Variants in DAB2IP observed in about 807,000 individuals in gnomAD.
DAB2IP encodes disabled homolog 2-interacting protein.
Under a neutral mutation model 107.2 loss-of-function variants are expected in DAB2IP, and 28 were observed. The observed-to-expected ratio is 0.26, with a 90% CI of 0.19 to 0.36. DAB2IP has a LOEUF of 0.36. Ranked by LOEUF, DAB2IP falls within the 10% of genes least tolerant of loss-of-function variation. The pLI, the probability that DAB2IP is intolerant of heterozygous loss-of-function variation, is 1.00. For missense variants in DAB2IP, 1,400 were observed against 1,644.7 expected (o/e 0.85, Z 2.57); for synonymous variants, 755 against 706.4 (o/e 1.07, Z -1.09).
rs1831989557 is a variant in DAB2IP at position 121,634,034 on chromosome 9, C to G, written c.41-44644C>G. Among the ~76,000 whole-genome samples the G allele has an allele frequency of 6.6e-6, 1 of 152,208 alleles. No homozygotes were observed. Among genetic ancestry groups the G allele is most frequent in the Non-Finnish European group, 1.5e-5 (1 of 68,038 alleles). On this transcript the variant is annotated intron_variant, in intron 1 of 16. Coordinates refer to the DAB2IP transcript ENST00000259371. This position sits in a 1 kb window ranked among gnomAD's most constrained non-coding sequence, Gnocchi z 4.7. ...CTGCCTTGGGCCCTTGTTCGAGACT[C>G]TCTGTGGAAGCCTATGTGTCCCACC...
chr9:121,570,681 T>C (rs555667323), intron 1 of DAB2IP, among the ~76,000 whole-genome samples: 1 of 151,978 alleles, frequency 6.6e-6, no homozygotes, highest in South Asian at 2.1e-4. Context: ...TCAGAATAGC[T>C]GGACTACAGG....
At chr9:121,591,874 G>A (rs1281697657) in intron 1 of DAB2IP, among the ~76,000 whole-genome samples, 1 of 152,212 alleles carries the variant, frequency 6.6e-6, no homozygotes, top group Non-Finnish European at 1.5e-5. Context: ...GCCCAGGGGA[G>A]TCAGATGAGG....
At chr9:121,568,624 G>A (rs1340789700) in intron 1 of DAB2IP, among the ~76,000 whole-genome samples, 1 of 152,156 alleles carries the variant, frequency 6.6e-6, no homozygotes, top group Admixed American at 6.5e-5. Flanking sequence ...GGAGGCCAGG[G>A]GCAGACAGCC....
At chr9:121,705,679 C>A (rs889728519) in intron 3 of DAB2IP, among the ~76,000 whole-genome samples, 1 of 152,166 alleles carries the variant, frequency 6.6e-6, no homozygotes, top group Admixed American at 6.5e-5. Flanking sequence ...ATAAGCTCCC[C>A]ACCTTCTTGG....
intron 1 of DAB2IP, among the ~76,000 whole-genome samples, chr9:121,645,898 T>TG (rs1459613184): frequency 6.6e-6 from 1 of 152,212 alleles, no homozygotes. Context: ...TTTTAGATCC[T>TG]GATGGAATCT....
At chr9:121,583,696 C>T (rs1830253469) in intron 1 of DAB2IP, among the ~76,000 whole-genome samples, 2 of 152,172 alleles carry the variant, frequency 1.3e-5, no homozygotes, top group African/African-American at 2.4e-5. Flanking sequence ...GCCCGCATAG[C>T]ACTTCGGCAT....
chr9:121,586,015 G>A (rs1830304211), intron 1 of DAB2IP, among the ~76,000 whole-genome samples: 1 of 152,098 alleles, frequency 6.6e-6, no homozygotes. Flanking sequence ...GCCTCTCCCT[G>A]CATTTTTCTG....
At chr9:121,745,359 T>G (rs1316147480) in intron 3 of DAB2IP, among the ~76,000 whole-genome samples, 1 of 152,160 alleles carries the variant, frequency 6.6e-6, no homozygotes, top group Non-Finnish European at 1.5e-5. Context: ...ACATGGTGTC[T>G]GAGTTTCTGC....
intron 3 of DAB2IP, among the ~76,000 whole-genome samples, chr9:121,756,450 C>G (rs147047291): frequency 2.6e-5 from 4 of 152,206 alleles, no homozygotes; most frequent in African/African-American, 9.6e-5. Context: ...CTTCGAGACT[C>G]GCCTCGCCTC....
chr9:121,673,698 CT>C (rs760809997), intron 1 of DAB2IP, among the ~76,000 whole-genome samples: 7 of 152,142 alleles, frequency 4.6e-5, no homozygotes, highest in African/African-American at 7.2e-5. Flanking sequence ...CGATCCATGT[CT>C]TCATTAACTT....
In DAB2IP at chr9:121,776,928, G is replaced by A. The variant is rs138556518; in HGVS notation, c.3314+537G>A. Among the ~76,000 whole-genome samples, 3 of 152,270 alleles carry A rather than the reference G, an allele frequency of 2.0e-5. No homozygotes were observed. In the East Asian group the frequency reaches 5.8e-4, roughly 29 times the overall value. On this transcript the variant is annotated intron_variant, in intron 14 of 15. Coordinates refer to ENST00000408936, the Ensembl canonical transcript of DAB2IP. The surrounding 1 kb of genome is among the most constrained non-coding windows in gnomAD (Gnocchi z 5.4). ...GGGGAGGGAGAGGGGGATGGTGCCA[G>A]TCTGATATCCTGAGTTTTAAGGGGC... is the stretch of plus-strand genomic sequence containing the variant.
In DAB2IP at chr9:121,633,658, G is replaced by A. The variant is rs1831976798; in HGVS notation, c.41-45020G>A. On this transcript the variant is annotated intron_variant, in intron 1 of 16. Coordinates refer to the DAB2IP transcript ENST00000259371. The surrounding 1 kb of genome is among the most constrained non-coding windows in gnomAD (Gnocchi z 5.1). Reference sequence around the variant, plus strand: ...TGGTGCTCTCAGACCATTGCCCAGAGACAGCAGTGACCAGGACAGACATTG... The same window carrying A: ...TGGTGCTCTCAGACCATTGCCCAGAAACAGCAGTGACCAGGACAGACATTG... Among the ~76,000 whole-genome samples, 1 of 152,182 alleles carries A rather than the reference G, an allele frequency of 6.6e-6. No individual in the cohort carries two copies. Among genetic ancestry groups the A allele is most frequent in the South Asian group, 2.1e-4 (1 of 4,822 alleles).
Position 121,707,533 on chromosome 9 carries a change from T to C in DAB2IP, c.362+8075T>C, listed in dbSNP as rs191508887. On this transcript the variant is annotated intron_variant, in intron 3 of 15. Coordinates refer to ENST00000408936, the Ensembl canonical transcript of DAB2IP. The stretch of plus-strand genomic sequence containing the variant: ...ACCTCCTGCCTGTCGCCCTAACTTT[T>C]CTGGAACAAGCAGGGCCCTTGTTTT... Among the ~76,000 whole-genome samples the C allele has an allele frequency of 9.5e-3, 1,449 of 152,290 alleles. 11 individuals carry two copies. The highest frequency in any genetic ancestry group is 0.022 in the Admixed American group (330 of 15,300).
chr9:121,753,154 C>G (rs535849637), intron 3 of DAB2IP: 29 of 152,402 alleles, frequency 1.9e-4, no homozygotes, highest in African/African-American at 7.0e-4. Flanking sequence ...AGTGTGGAGT[C>G]CACGCCCTGG....
At chr9:121,781,196 C>T (rs745809905) in intron 14 of DAB2IP, among the ~76,000 whole-genome samples, 24 of 152,104 alleles carry the variant, frequency 1.6e-4, no homozygotes, top group Non-Finnish European at 3.4e-4. Context: ...GGAAGAACAT[C>T]GGGAAAGGGG....
chr9:121,649,805 A>G (rs1456094990), upstream of DAB2IP, among the ~76,000 whole-genome samples: 1 of 152,160 alleles, frequency 6.6e-6, no homozygotes, highest in Non-Finnish European at 1.5e-5. Context: ...GGACTGAGTG[A>G]CTGTGTGTGC....
chr9:121,620,177 G>A (rs1362629705), intron 1 of DAB2IP, among the ~76,000 whole-genome samples: 3 of 152,198 alleles, frequency 2.0e-5, no homozygotes, highest in African/African-American at 7.2e-5. Flanking sequence ...GCTCAAATGG[G>A]CGGCTCCGAC....
At chr9:121,745,802 T>C (rs1397516946) in intron 3 of DAB2IP, among the ~76,000 whole-genome samples, 1 of 152,206 alleles carries the variant, frequency 6.6e-6, no homozygotes, top group African/African-American at 2.4e-5. Context: ...CATCTTCACC[T>C]CTTCTGTCTC....
chr9:121,685,388 C>A (rs989442300), intron 2 of DAB2IP, among the ~76,000 whole-genome samples: 3 of 152,170 alleles, frequency 2.0e-5, no homozygotes, highest in African/African-American at 7.2e-5. Flanking sequence ...CCTCCTGAAT[C>A]CAAGACCAGG....
Sources: allele counts gnomAD v4.1 joint callset (sites outside exome capture counted in the v4.1 genomes callset), GRCh38; gene constraint gnomAD v4.1.1; non-coding constraint Gnocchi (gnomAD v3.1); transcripts MANE v1.5; gene names NCBI Gene and HGNC (gene_info 2026-07-23, HGNC 2026-07-21).